The following DACH1 variants were observed in gnomAD, a reference collection of about 807,000 sequenced individuals.
DACH1 encodes the protein dachshund family transcription factor 1, also known as dachshund homolog 1.
In DACH1, 12 loss-of-function variants were observed where a neutral mutation model predicts 54.2. That is an observed-to-expected ratio of 0.22 (90% CI 0.14 to 0.36). DACH1 has a LOEUF of 0.36. Among genes scored for constraint, DACH1 ranks in the 10% least tolerant of loss-of-function variants. The pLI is 1.00. For missense variants in DACH1, 805 were observed against 929.8 expected (o/e 0.87, Z 1.75); for synonymous variants, 386 against 366.2 (o/e 1.05, Z -0.62).
At chr13:71,658,285 C>T (rs1382972215) in intron 2 of DACH1, among the ~76,000 whole-genome samples, 1 of 152,172 alleles carries the variant, frequency 6.6e-6, no homozygotes. Flanking sequence ...CTCTGTGGCT[C>T]ATGCCTGTAA....
chr13:71,538,862 C>T (rs933659182), intron 6 of DACH1, among the ~76,000 whole-genome samples: 6 of 151,962 alleles, frequency 3.9e-5, no homozygotes, highest in East Asian at 1.9e-4. Flanking sequence ...ATTTCAATTT[C>T]GTTTCATATT....
At chr13:71,488,938 A>G in intron 7 of DACH1, 59 bp downstream of exon 7, 1 of 1,547,062 alleles carries the variant, frequency 6.5e-7, no homozygotes, top group Non-Finnish European at 8.7e-7. Flanking sequence ...ATTTTGGAAA[A>G]AAAAAATCTA....
In DACH1 at chr13:71,572,867, T is replaced by A. The variant is rs1342300758; in HGVS notation, c.1272A>T (p.Pro424=). ...MAAAAQVQSP[P]SRVETSVIKE... ...TAATAACTGATGTCTCAACTCTGGATGGGGGACTCTGAACTTGTGCTGCTG... is the reference window on the plus strand; with the variant it reads ...TAATAACTGATGTCTCAACTCTGGAAGGGGGACTCTGAACTTGTGCTGCTG... The change falls in exon 4 of 11, where the codon CCA becomes CCT. Residue 424 remains proline, a synonymous_variant. Coordinates refer to ENST00000613252, the MANE Select transcript of DACH1 (RefSeq NM_080759.6). 2 of 1,613,700 alleles carry A rather than the reference T, an allele frequency of 1.2e-6. No individual in the cohort carries two copies. The highest frequency in any genetic ancestry group is 1.3e-5 in the African/African-American group (1 of 74,898).
chr13:71,662,064 A>T (rs944816697), intron 2 of DACH1, among the ~76,000 whole-genome samples: 2 of 152,032 alleles, frequency 1.3e-5, no homozygotes, highest in Non-Finnish European at 1.5e-5. Flanking sequence ...ACCTCTCAAG[A>T]CGTAACAACC....
At chr13:71,579,269 C>T (rs1177576368) in intron 3 of DACH1, among the ~76,000 whole-genome samples, 1 of 151,980 alleles carries the variant, frequency 6.6e-6, no homozygotes. Context: ...ATTTCTTCAC[C>T]TACTTAAGAT....
chr13:71,580,219 T>A (rs1195100301), intron 3 of DACH1, among the ~76,000 whole-genome samples: 1 of 152,222 alleles, frequency 6.6e-6, no homozygotes, highest in Non-Finnish European at 1.5e-5. Flanking sequence ...CAGTTTGGTA[T>A]AAAGTATCTA....
chr13:71,792,111 T>C (rs559212399), intron 1 of DACH1, among the ~76,000 whole-genome samples: 1 of 152,278 alleles, frequency 6.6e-6, no homozygotes, highest in East Asian at 1.9e-4. Flanking sequence ...CCTTACCGGA[T>C]TGTGGTATTG....
Position 71,522,355 on chromosome 13 carries a change from A to T in DACH1, c.1571-33207T>A, listed in dbSNP as rs117100123. On this transcript the variant is annotated intron_variant, in intron 6 of 10. Coordinates refer to ENST00000613252, the MANE Select transcript of DACH1 (RefSeq NM_080759.6). The stretch of plus-strand genomic sequence containing the variant: ...GTTGAGACTTGTGGATTATAAATCA[A>T]AAAAACCTGAGGTTCTGCTGCAGCC... Among the ~76,000 whole-genome samples the T allele has an allele frequency of 6.4e-3, 968 of 152,062 alleles. 60 individuals are homozygous for T. In the East Asian group the frequency reaches 0.13, roughly 21 times the overall value.
chr13:71,663,434 TGAG>T (rs1447311978), intron 2 of DACH1, among the ~76,000 whole-genome samples: 1 of 151,868 alleles, frequency 6.6e-6, no homozygotes, highest in African/African-American at 2.4e-5. Context: ...AATTCAAATT[TGAG>T]GAGTAGAGCC....
intron 1 of DACH1, among the ~76,000 whole-genome samples, chr13:71,852,191 C>A (rs1056570639): frequency 1.3e-5 from 2 of 152,124 alleles, no homozygotes; most frequent in East Asian, 1.9e-4. Context: ...AGGAGCCAGC[C>A]GAGTTCAGAG....
rs933014179 is a variant in DACH1 at position 71,866,296 on chromosome 13, G to A, written c.474C>T (p.Ser158=). Residue 158 remains serine, a synonymous_variant, in exon 1 of 11, where the codon AGC becomes AGT. Transcript: ENST00000613252. Reference sequence around the variant, plus strand: ...GGGGGCCGCAGCTGCTGCTGCTACTGCTGCTGCTGCTACTACTGCTGCTGC... The same window carrying A: ...GGGGGCCGCAGCTGCTGCTGCTACTACTGCTGCTGCTACTACTGCTGCTGC... ...SSSSSSSSSS[S]SSSSSCGPLP... 3.2e-6 allele frequency: 5 copies of A among 1,551,032 alleles called. No homozygotes were observed. Among genetic ancestry groups the A allele is most frequent in the Non-Finnish European group, 4.4e-6 (5 of 1,146,552 alleles).
chr13:71,804,733 T>A (rs1037895620), intron 1 of DACH1, among the ~76,000 whole-genome samples: 3 of 152,192 alleles, frequency 2.0e-5, no homozygotes, highest in Non-Finnish European at 4.4e-5. Flanking sequence ...TCTGTTTCCA[T>A]AAACCTTTCT....
At chr13:71,472,915 T>C (rs968539737) in intron 10 of DACH1, among the ~76,000 whole-genome samples, 1 of 152,250 alleles carries the variant, frequency 6.6e-6, no homozygotes, top group Non-Finnish European at 1.5e-5. Flanking sequence ...TCCAAATGTA[T>C]GAATTTTGTC....
At chr13:71,565,555 G>A (rs1485868441) in intron 4 of DACH1, among the ~76,000 whole-genome samples, 1 of 152,088 alleles carries the variant, frequency 6.6e-6, no homozygotes, top group Admixed American at 6.6e-5. Flanking sequence ...TCAGAAAAAT[G>A]CTTAAAAGTA....
At chr13:71,707,511 G>A (rs1882508771) in intron 1 of DACH1, among the ~76,000 whole-genome samples, 2 of 152,114 alleles carry the variant, frequency 1.3e-5, no homozygotes, top group African/African-American at 2.4e-5. Context: ...CTGGAATTTG[G>A]CAAGGGAAAA....
chr13:71,558,427 T>C (rs1261535582), intron 5 of DACH1, among the ~76,000 whole-genome samples: 1 of 151,960 alleles, frequency 6.6e-6, no homozygotes, highest in Non-Finnish European at 1.5e-5. Context: ...TTTGTTTCTA[T>C]CAAAAATTGA....
intron 3 of DACH1, among the ~76,000 whole-genome samples, chr13:71,580,364 T>C (rs558690604): frequency 3.8e-4 from 58 of 152,308 alleles, no homozygotes; most frequent in Admixed American, 7.2e-4. Flanking sequence ...TCTAAGGATA[T>C]TGTAATTTCC....
chr13:71,450,084 A>G (rs1874887498), intron 10 of DACH1, among the ~76,000 whole-genome samples: 1 of 151,976 alleles, frequency 6.6e-6, no homozygotes, highest in South Asian at 2.1e-4. Context: ...AGAACAAGAG[A>G]TCATCTAAAG....
chr13:71,613,412 C>T (rs1250521022), intron 3 of DACH1, among the ~76,000 whole-genome samples: 2 of 152,110 alleles, frequency 1.3e-5, no homozygotes, highest in African/African-American at 2.4e-5. Context: ...TGCAATGAAA[C>T]GCCATTGAAA....
Sources: gnomAD v4.1 joint callset for allele counts (sites outside exome capture counted in the v4.1 genomes callset) on GRCh38, gnomAD v4.1.1 for gene constraint, MANE v1.5 for transcripts, NCBI Gene and HGNC (gene_info 2026-07-23, HGNC 2026-07-21) for gene names.